CFLAR: variants seen among roughly 807,000 people sequenced by gnomAD.
CFLAR encodes CASP8 and FADD-like apoptosis regulator.
In CFLAR, 14 loss-of-function variants were observed where a neutral mutation model predicts 51.1. The ratio of observed to expected loss-of-function variants is 0.27; its 90% CI spans 0.18 to 0.43. The LOEUF is 0.43. Among genes scored for constraint, CFLAR ranks in the 20% least tolerant of loss-of-function variants. The probability of loss-of-function intolerance (pLI) is 1.00; values close to 1 mark genes in which losing one functional copy is unlikely to be tolerated. For missense variants in CFLAR, 390 were observed against 566.5 expected (o/e 0.69, Z 3.16); for synonymous variants, 210 against 211.6 (o/e 0.99, Z 0.06).
chr2:201,130,187 G>GGGGGGT, intron 2 of CFLAR, 41 bp downstream of exon 2: 1 of 292,394 alleles, frequency 3.4e-6, no homozygotes, highest in African/African-American at 2.5e-5. Flanking sequence ...GGGTGGGAGG[G>GGGGGGT]AGTGAAGTGT....
chr2:201,157,986 A>G (rs1942458001), intron 8 of CFLAR, among the ~76,000 whole-genome samples: 1 of 152,162 alleles, frequency 6.6e-6, no homozygotes, highest in Non-Finnish European at 1.5e-5. Flanking sequence ...CAGACCTGCT[A>G]TTCTTATTGG....
In CFLAR at chr2:201,123,205, A is replaced by G. The variant is rs147255986; in HGVS notation, c.-137-6524A>G. ...GATTCATTCTCATTTTCTGCAGCCT[A>G]CACATAAGTGTTAGGAACCAAGGAA... On this transcript the variant is annotated intron_variant, in intron 1 of 9. Transcript: ENST00000309955. Among the ~76,000 whole-genome samples the G allele has an allele frequency of 2.2e-4, 34 of 152,270 alleles. No homozygotes were observed. The East Asian group carries it at 6.2e-3, about 28-fold the overall frequency.
At position 201,133,144 on chromosome 2, in the gene CFLAR, C is replaced by A. The variant is rs747245709; in HGVS notation, c.387+10C>A. On this transcript the variant is annotated intron_variant, in intron 3 of 9. Transcript: ENST00000309955. ...GATAAGCAAGGAGAAGGTGAGTTTT[C>A]TTCTTTTGGTTCATGGCCCCAGGAG... The A allele has an allele frequency of 1.5e-5, 24 of 1,605,906 alleles. No individual in the cohort carries two copies. The East Asian group carries it at 4.2e-4, about 28-fold the overall frequency.
In CFLAR at chr2:201,142,341, A is replaced by C. The variant is rs1939120634; in HGVS notation, c.606+1902A>C. Reference sequence around the variant, plus strand: ...TCCTTAAAATATGTAATGAAAACCCACTCTTGTAATATAAATGGTTTCTTG... The same window carrying C: ...TCCTTAAAATATGTAATGAAAACCCCCTCTTGTAATATAAATGGTTTCTTG... On this transcript the variant is annotated intron_variant, in intron 5 of 9. Coordinates refer to ENST00000309955, the MANE Select transcript of CFLAR (RefSeq NM_003879.7). Among the ~76,000 whole-genome samples, 5 of 151,722 alleles carry C rather than the reference A, an allele frequency of 3.3e-5. No homozygotes were observed. The South Asian group carries it at 1.0e-3, about 31-fold the overall frequency.
chr2:201,168,542 A>C lies in CFLAR; in HGVS notation c.*4569A>C, dbSNP rs1943807761. On this transcript the variant is annotated 3_prime_UTR_variant, in exon 10 of 10. Transcript: ENST00000309955. Reference sequence around the variant, plus strand: ...TACTGAATGGGCAAAAGCTGGAAGCATTCCCCTTGAAAACTGGCACAAGAC... The same window carrying C: ...TACTGAATGGGCAAAAGCTGGAAGCCTTCCCCTTGAAAACTGGCACAAGAC... The C allele has an allele frequency of 6.6e-6, 1 of 152,254 alleles. No individual in the cohort carries two copies. Among genetic ancestry groups the C allele is most frequent in the Non-Finnish European group, 1.5e-5 (1 of 68,044 alleles). 9.4% of individuals were successfully genotyped at this position (152,254 alleles called of 1,614,324 possible). A position where few individuals can be genotyped will look rare whatever the true frequency, so the allele number is the denominator to read the frequency against.
Position 201,164,064 on chromosome 2 carries a change from G to A in CFLAR, c.*91G>A, listed in dbSNP as rs1238721873. On this transcript the variant is annotated 3_prime_UTR_variant, in exon 10 of 10. Coordinates refer to ENST00000309955, the MANE Select transcript of CFLAR (RefSeq NM_003879.7). ...GCAGATCACTTCAGGTCAGGAGTTC[G>A]AGACCAGCCTGGCCAACATGGTAAA... is the stretch of plus-strand genomic sequence containing the variant. The A allele has an allele frequency of 2.7e-5, 28 of 1,041,598 alleles. No homozygotes were observed. The highest frequency in any genetic ancestry group is 3.7e-5 in the Non-Finnish European group (27 of 725,278). The allele number at this position is 1,041,598 out of a possible 1,614,324, so 64.5% of individuals were successfully genotyped here.
rs1944110029 is a variant in CFLAR at position 201,173,339 on chromosome 2, C to T, written c.*9366C>T. Reference sequence around the variant, plus strand: ...TCTCCTGCCTCAGCCTCCCAAGTATCTGGGACTACAGCCGCCCTCCACCAC... The same window carrying T: ...TCTCCTGCCTCAGCCTCCCAAGTATTTGGGACTACAGCCGCCCTCCACCAC... On this transcript the variant is annotated 3_prime_UTR_variant, in exon 10 of 10. Coordinates refer to ENST00000309955, the MANE Select transcript of CFLAR (RefSeq NM_003879.7). The T allele has an allele frequency of 6.6e-6, 1 of 152,602 alleles. No homozygotes were observed. Among genetic ancestry groups the T allele is most frequent in the Non-Finnish European group, 1.5e-5 (1 of 68,372 alleles). 9.5% of individuals were successfully genotyped at this position (152,602 alleles called of 1,614,324 possible). A position where few individuals can be genotyped will look rare whatever the true frequency, so the allele number is the denominator to read the frequency against.
Position 201,149,833 on chromosome 2 carries a change from C to A in CFLAR, c.791C>A (p.Thr264Lys). 2 of 1,611,830 alleles carry A rather than the reference C, an allele frequency of 1.2e-6. No homozygotes were observed. Among genetic ancestry groups the A allele is most frequent in the Non-Finnish European group, 1.7e-6 (2 of 1,177,954 alleles). ...CLIIDCIGNE[T>K]ELLRDTFTSL... ...ATAATCGATTGCATTGGCAATGAGA[C>A]AGGTAGGTGTGGAAGCTGCAGATTA... Residue 264 changes from threonine to lysine, a missense_variant and splice_region_variant, in exon 8 of 10, where the codon ACA becomes AAA. This residue lies in a region of CFLAR where 287 missense variants were observed against 363.6 expected (regional missense o/e 0.79). Coordinates refer to ENST00000309955, the MANE Select transcript of CFLAR (RefSeq NM_003879.7).
chr2:201,136,291 C>T (rs1422882554), intron 4 of CFLAR, 184 bp downstream of exon 4: 6 of 1,599,464 alleles, frequency 3.8e-6, no homozygotes, highest in South Asian at 3.3e-5. Context: ...GATCTGCCAA[C>T]TCCATTGCCC....
chr2:201,132,628 A>G (rs1484885441), intron 2 of CFLAR, among the ~76,000 whole-genome samples: 1 of 152,152 alleles, frequency 6.6e-6, no homozygotes, highest in Non-Finnish European at 1.5e-5. Context: ...CCTTGAATCA[A>G]CATCACCTGA....
rs548397809 is a variant in CFLAR at position 201,133,757 on chromosome 2, T to C, written c.387+623T>C. ...CAACCTGGCTAACACGGTGAAACCC[T>C]ATCTCTACTAAAAATACAAAAAAAG... is the stretch of plus-strand genomic sequence containing the variant. On this transcript the variant is annotated intron_variant, in intron 3 of 9. Coordinates refer to ENST00000309955, the MANE Select transcript of CFLAR (RefSeq NM_003879.7). Among the ~76,000 whole-genome samples the C allele has an allele frequency of 8.6e-5, 13 of 151,556 alleles. No individual in the cohort carries two copies. In the East Asian group the frequency reaches 1.2e-3, roughly 14 times the overall value.
At chr2:201,141,382 A>G (rs1165046803) in intron 5 of CFLAR, 1 of 1,558,368 alleles carries the variant, frequency 6.4e-7, no homozygotes, top group Admixed American at 1.9e-5. Context: ...AGATGATAAC[A>G]CCCTATGCCC....
chr2:201,127,460 G>A (rs2048816152), intron 1 of CFLAR, among the ~76,000 whole-genome samples: 1 of 152,166 alleles, frequency 6.6e-6, no homozygotes, highest in South Asian at 2.1e-4. Flanking sequence ...TTTGAGACCA[G>A]CCTGAGAAAC....
At position 201,161,042 on chromosome 2, in the gene CFLAR, G is replaced by C. The variant is rs1417925175; in HGVS notation, c.1304+100G>C. 2.8e-5 allele frequency: 23 copies of C among 813,000 alleles called. No homozygotes were observed. The East Asian group carries it at 5.6e-4, about 20-fold the overall frequency. The allele number at this position is 813,000 out of a possible 1,614,324, so 50.4% of individuals were successfully genotyped here. Reference sequence around the variant, plus strand: ...GCCACATTTGCTGCCCATCTCTTCCGGGAGGAAAAGAGATTTTCCCTCCTG... The same window carrying C: ...GCCACATTTGCTGCCCATCTCTTCCCGGAGGAAAAGAGATTTTCCCTCCTG... On this transcript the variant is annotated intron_variant, in intron 9 of 9. Coordinates refer to ENST00000309955, the MANE Select transcript of CFLAR (RefSeq NM_003879.7).
In CFLAR at chr2:201,173,860, CAG is replaced by C. The variant is rs1944123899; in HGVS notation, c.*9888_*9889del. ...CTAATTTTTGTATTTTTAGTAGAGA[CAG>C]GGTTTCGCCATGTTGGCCAGGCTGG... is the stretch of plus-strand genomic sequence containing the variant. On this transcript the variant is annotated 3_prime_UTR_variant, in exon 10 of 10. Coordinates refer to ENST00000309955, the MANE Select transcript of CFLAR (RefSeq NM_003879.7). The C allele has an allele frequency of 6.6e-6, 1 of 151,728 alleles. No individual in the cohort carries two copies. Among genetic ancestry groups the C allele is most frequent in the African/African-American group, 2.4e-5 (1 of 41,252 alleles). The allele number at this position is 151,728 out of a possible 1,614,324, so 9.4% of individuals were successfully genotyped here.
rs2125987904 is a variant in CFLAR, at chr2:201,170,910, C to T, written c.*6937C>T. ...ATACTTAGAAGTTATGTGGCTTTGC[C>T]ACTATGGATGAATCTTATTTACTCA... On this transcript the variant is annotated 3_prime_UTR_variant, in exon 10 of 10. Transcript: ENST00000309955. 1 of 152,336 alleles carries T rather than the reference C, an allele frequency of 6.6e-6. No homozygotes were observed. The highest frequency in any genetic ancestry group is 1.5e-5 in the Non-Finnish European group (1 of 68,030). The allele number at this position is 152,336 out of a possible 1,614,324, so 9.4% of individuals were successfully genotyped here.
chr2:201,142,290 T>A (rs56230518), intron 5 of CFLAR, among the ~76,000 whole-genome samples: 36,674 of 148,776 alleles, frequency 0.25, 5,285 homozygotes, highest in African/African-American at 0.41. Context: ...GAAAAAAAAA[T>A]ATTATATATA....
intron 2 of CFLAR, among the ~76,000 whole-genome samples, chr2:201,130,507 G>A (rs757089228): frequency 4.0e-4 from 61 of 151,698 alleles, no homozygotes; most frequent in South Asian, 8.3e-4. Flanking sequence ...GACTACAGGC[G>A]TGCGCCACCA....
chr2:201,155,708 TCAC>T (rs1374784068), intron 8 of CFLAR, among the ~76,000 whole-genome samples: 1 of 151,968 alleles, frequency 6.6e-6, no homozygotes, highest in East Asian at 1.9e-4. Flanking sequence ...ACTGCAGCCT[TCAC>T]CTCCCGGGCT....
Sources: gnomAD v4.1 joint callset for allele counts (sites outside exome capture counted in the v4.1 genomes callset) on GRCh38, gnomAD v4.1.1 for gene constraint, gnomAD v4.1.1 regional missense constraint, MANE v1.5 for transcripts, NCBI Gene and HGNC (gene_info 2026-07-23, HGNC 2026-07-21) for gene names.